DCDC2C: variants seen among roughly 807,000 people sequenced by gnomAD.
The protein encoded by DCDC2C is doublecortin domain-containing protein 2C.
Under a neutral mutation model 45.0 loss-of-function variants are expected in DCDC2C, and 44 were observed. The ratio of observed to expected loss-of-function variants is 0.98; its 90% confidence interval spans 0.77 to 1.26. The LOEUF (loss-of-function observed/expected upper bound fraction) is 1.26, where lower values mean the gene tolerates loss of function less well. Ranked by LOEUF, DCDC2C falls within the 50% of genes most tolerant of loss-of-function variation. The pLI is 0.00. For missense variants in DCDC2C, 447 were observed against 468.9 expected (o/e 0.95, Z 0.43); for synonymous variants, 187 against 178.8 (o/e 1.05, Z -0.37).
chr2:3,777,072 C>T (rs773209902), intron 8 of DCDC2C, among the ~76,000 whole-genome samples: 20 of 152,180 alleles, frequency 1.3e-4, no homozygotes, highest in Non-Finnish European at 1.9e-4. Context: ...TGCTGTCACT[C>T]CTGCTTTTCA....
intron 8 of DCDC2C, among the ~76,000 whole-genome samples, chr2:3,773,196 C>T (rs972212494): frequency 5.9e-5 from 9 of 152,112 alleles, no homozygotes; most frequent in African/African-American, 2.2e-4. Flanking sequence ...AGAGAGAAGG[C>T]GATTCACTGG....
chr2:3,826,888 T>A (rs1671831642), intron 10 of DCDC2C, among the ~76,000 whole-genome samples: 1 of 152,108 alleles, frequency 6.6e-6, no homozygotes, highest in Non-Finnish European at 1.5e-5. Flanking sequence ...CCTTCCTCCC[T>A]CCTTCCCTCT....
rs114389528 is a variant in DCDC2C, at chr2:3,830,486, A to G, written c.1066-16668A>G. On this transcript the variant is annotated intron_variant, in intron 10 of 10. Transcript: ENST00000399143. The stretch of plus-strand genomic sequence containing the variant: ...CACTCAGGCCCATTGCAGGGGCCCC[A>G]TGTCCTCATTGGTAAGATGAGGCCA... 3.4e-3 allele frequency among the ~76,000 whole-genome samples: 512 copies of G among 152,272 alleles called. 3 individuals carry two copies. The highest frequency in any genetic ancestry group is 0.012 in the African/African-American group (490 of 41,556).
At chr2:3,725,623 C>A (rs1668639386) in intron 2 of DCDC2C, among the ~76,000 whole-genome samples, 1 of 141,470 alleles carries the variant, frequency 7.1e-6, no homozygotes, top group African/African-American at 2.7e-5. Context: ...GGGAGACCGC[C>A]AGAGTGACGA....
At chr2:3,729,127 G>A (rs1668785428) in intron 3 of DCDC2C, among the ~76,000 whole-genome samples, 2 of 152,218 alleles carry the variant, frequency 1.3e-5, no homozygotes, top group South Asian at 2.1e-4. Context: ...GGGAGAAAAA[G>A]CGTTTAAAAG....
intron 9 of DCDC2C, among the ~76,000 whole-genome samples, chr2:3,784,104 A>G (rs1670585049): frequency 6.6e-6 from 1 of 152,228 alleles, no homozygotes; most frequent in Non-Finnish European, 1.5e-5. Context: ...AAAGAAATGC[A>G]AATAATAAAA....
At chr2:3,710,604 G>A (rs1364520283) in intron 2 of DCDC2C, among the ~76,000 whole-genome samples, 1 of 152,112 alleles carries the variant, frequency 6.6e-6, no homozygotes, top group African/African-American at 2.4e-5. Context: ...CCAATAGTTA[G>A]TTTTTCAACC....
chr2:3,841,636 C>T (rs535245419), intron 10 of DCDC2C, among the ~76,000 whole-genome samples: 137 of 152,288 alleles, frequency 9.0e-4, no homozygotes, highest in Middle Eastern at 3.4e-3. Flanking sequence ...GATGAGTAAA[C>T]GCAATCCCTG....
At chr2:3,822,972 C>T (rs1292687407) in intron 10 of DCDC2C, among the ~76,000 whole-genome samples, 6 of 152,100 alleles carry the variant, frequency 3.9e-5, no homozygotes, top group Admixed American at 3.3e-4. Flanking sequence ...TGCTGCCATC[C>T]GTGTAAGGTG....
rs142358089 is a variant in DCDC2C, at chr2:3,766,920, G to A, written c.727-834G>A. 4.9e-3 allele frequency among the ~76,000 whole-genome samples: 744 copies of A among 152,320 alleles called. 3 individuals are homozygous for A. Among genetic ancestry groups the A allele is most frequent in the Middle Eastern group, 6.8e-3 (2 of 294 alleles). ...CTGTTTGATGGTGCCAAAGCTTCAC[G>A]CGTTCAGTGGAAAGCCGTAGGATAC... On this transcript the variant is annotated intron_variant, in intron 6 of 10. Transcript: ENST00000399143.
At chr2:3,816,299 G>T (rs1671556770) in intron 10 of DCDC2C, among the ~76,000 whole-genome samples, 1 of 24,968 alleles carries the variant, frequency 4.0e-5, no homozygotes, top group Admixed American at 5.9e-4. Context: ...CATCCAATTA[G>T]AGAGTGCCCA....
chr2:3,822,432 A>G (rs991300894), intron 10 of DCDC2C, among the ~76,000 whole-genome samples: 17 of 152,114 alleles, frequency 1.1e-4, no homozygotes, highest in South Asian at 6.2e-4. Flanking sequence ...GTCTCTTATA[A>G]TCACCTTATT....
chr2:3,712,095 C>T (rs896745428), intron 2 of DCDC2C, among the ~76,000 whole-genome samples: 3 of 152,128 alleles, frequency 2.0e-5, no homozygotes, highest in African/African-American at 7.2e-5. Flanking sequence ...GTGGAGCCAA[C>T]CCTGAATGAG....
intron 10 of DCDC2C, among the ~76,000 whole-genome samples, chr2:3,794,521 C>T (rs1425183355): frequency 3.3e-5 from 5 of 152,192 alleles, no homozygotes; most frequent in Admixed American, 3.3e-4. Context: ...CCCGCTCCCC[C>T]CACCCCACAA....
chr2:3,724,929 A>G (rs1455825567), intron 2 of DCDC2C, among the ~76,000 whole-genome samples: 1 of 152,156 alleles, frequency 6.6e-6, no homozygotes, highest in African/African-American at 2.4e-5. Context: ...CCTTGTTGGC[A>G]GTGGACTCAG....
intron 10 of DCDC2C, among the ~76,000 whole-genome samples, chr2:3,812,261 C>T (rs1418650930): frequency 6.6e-6 from 1 of 150,884 alleles, no homozygotes; most frequent in Non-Finnish European, 1.5e-5. Flanking sequence ...AATTTCAGAA[C>T]TTGTTATTGG....
chr2:3,766,369 T>C (rs772075684), intron 6 of DCDC2C, among the ~76,000 whole-genome samples: 15 of 151,512 alleles, frequency 9.9e-5, no homozygotes, highest in Non-Finnish European at 2.1e-4. Flanking sequence ...TTATGGAAAA[T>C]GTGTCTCAAC....
At chr2:3,815,141 T>C (rs369764154) in intron 10 of DCDC2C, among the ~76,000 whole-genome samples, 2 of 152,224 alleles carry the variant, frequency 1.3e-5, no homozygotes, top group African/African-American at 4.8e-5. Context: ...CATTCTAGGA[T>C]TGGTACGCTA....
At chr2:3,806,782 T>C (rs1403270086) in intron 10 of DCDC2C, among the ~76,000 whole-genome samples, 1 of 151,994 alleles carries the variant, frequency 6.6e-6, no homozygotes, top group East Asian at 1.9e-4. Context: ...CTCCTGACCT[T>C]GTGATCCGCC....
Sources: gnomAD v4.1 joint callset for allele counts (sites outside exome capture counted in the v4.1 genomes callset) on GRCh38, gnomAD v4.1.1 for gene constraint, MANE v1.5 for transcripts, NCBI Gene and HGNC (gene_info 2026-07-23, HGNC 2026-07-21) for gene names.